The following FSTL5 variants were observed in gnomAD, a reference collection of about 807,000 sequenced individuals.
The protein encoded by FSTL5 is follistatin like 5.
In FSTL5, 62 loss-of-function variants were observed where a neutral mutation model predicts 89.1. That is an observed-to-expected ratio of 0.70 (90% CI 0.57 to 0.86). The LOEUF is 0.86. Ranked by LOEUF, FSTL5 falls within the 40% of genes least tolerant of loss-of-function variation. FSTL5 has a pLI of 0.00. For synonymous variants in FSTL5, 383 were observed against 346.2 expected (o/e 1.11, Z -1.18); for missense variants, 1,057 against 1,001.6 (o/e 1.06, Z -0.75).
intron 15 of FSTL5, among the ~76,000 whole-genome samples, chr4:161,451,093 T>A (rs1163701519): frequency 6.6e-6 from 1 of 152,100 alleles, no homozygotes; most frequent in East Asian, 1.9e-4. Flanking sequence ...TATCTGTATA[T>A]TTTTATTTAT....
chr4:161,841,130 G>A (rs572761860), intron 4 of FSTL5, among the ~76,000 whole-genome samples: 1 of 152,186 alleles, frequency 6.6e-6, no homozygotes, highest in East Asian at 1.9e-4. Context: ...GGACCTTACT[G>A]TTAGTAGGCT....
chr4:161,463,389 T>G (rs1404669951), intron 13 of FSTL5, among the ~76,000 whole-genome samples: 2 of 152,144 alleles, frequency 1.3e-5, no homozygotes, highest in Non-Finnish European at 2.9e-5. Flanking sequence ...TCAAGAAAAT[T>G]TATTTATAAG....
intron 7 of FSTL5, among the ~76,000 whole-genome samples, chr4:161,650,530 C>T (rs886594794): frequency 2.0e-5 from 3 of 152,180 alleles, no homozygotes; most frequent in Middle Eastern, 3.4e-3. Flanking sequence ...TTACATAATG[C>T]TTTCTTCAAA....
At chr4:161,522,616 C>T (rs1025863100) in intron 10 of FSTL5, among the ~76,000 whole-genome samples, 2 of 151,288 alleles carry the variant, frequency 1.3e-5, no homozygotes, top group African/African-American at 2.4e-5. Context: ...TTCCCACACT[C>T]TACAAGATAG....
chr4:161,410,988 T>TTAACAAAGAAAAAAAAAGAGAAGATC (rs777826812), intron 15 of FSTL5, among the ~76,000 whole-genome samples: 2 of 149,116 alleles, frequency 1.3e-5, no homozygotes, highest in African/African-American at 2.5e-5. Context: ...CCTTTAGCTA[T>TTAACAAAGAAAAAAAAAGAGAAGATC]CAATCAGAAA....
chr4:161,926,873 A>T (rs1578866701), intron 3 of FSTL5, among the ~76,000 whole-genome samples: 1 of 151,912 alleles, frequency 6.6e-6, no homozygotes, highest in East Asian at 1.9e-4. Flanking sequence ...TTAGATGATA[A>T]GTTGGTTAGA....
intron 15 of FSTL5, among the ~76,000 whole-genome samples, chr4:161,436,147 A>G (rs1732553314): frequency 6.6e-6 from 1 of 152,160 alleles, no homozygotes; most frequent in Non-Finnish European, 1.5e-5. Context: ...ATCGCTGTGT[A>G]GTCACCAATT....
chr4:162,124,905 G>A (rs577050806), intron 1 of FSTL5, among the ~76,000 whole-genome samples: 59 of 152,234 alleles, frequency 3.9e-4, no homozygotes, highest in African/African-American at 1.1e-3. Context: ...GGTTTTCACC[G>A]TGTTAGCCAG....
intron 4 of FSTL5, among the ~76,000 whole-genome samples, chr4:161,885,753 C>T (rs1259787006): frequency 6.6e-6 from 1 of 152,104 alleles, no homozygotes; most frequent in Non-Finnish European, 1.5e-5. Context: ...GCAGACCCTG[C>T]ATAGTGATTT....
At chr4:161,648,731 A>G (rs1367205250) in intron 7 of FSTL5, among the ~76,000 whole-genome samples, 1 of 152,124 alleles carries the variant, frequency 6.6e-6, no homozygotes, top group South Asian at 2.1e-4. Context: ...CTCCTGTGAC[A>G]CATACAATCT....
chr4:162,062,879 T>C (rs969175366), intron 2 of FSTL5, among the ~76,000 whole-genome samples: 97 of 151,820 alleles, frequency 6.4e-4, no homozygotes, highest in African/African-American at 2.3e-3. Context: ...ATCAAATTTC[T>C]ATATAGACAA....
At chr4:161,450,943 A>G (rs2126391393) in intron 15 of FSTL5, among the ~76,000 whole-genome samples, 1 of 151,970 alleles carries the variant, frequency 6.6e-6, no homozygotes, top group Admixed American at 6.6e-5. Context: ...ACGAGGTTTC[A>G]CCGTGTTAGC....
At chr4:161,409,796 C>G (rs1457080868) in intron 15 of FSTL5, among the ~76,000 whole-genome samples, 1 of 152,168 alleles carries the variant, frequency 6.6e-6, no homozygotes, top group African/African-American at 2.4e-5. Flanking sequence ...AGCCCATAGT[C>G]ACTATAAAGC....
At chr4:161,783,824 A>G (rs1741784738) in intron 4 of FSTL5, among the ~76,000 whole-genome samples, 1 of 147,036 alleles carries the variant, frequency 6.8e-6, no homozygotes, top group Non-Finnish European at 1.5e-5. Flanking sequence ...GTGGCATAGT[A>G]GCATGATCTT....
intron 15 of FSTL5, among the ~76,000 whole-genome samples, chr4:161,449,033 C>T (rs1733058065): frequency 6.6e-6 from 1 of 152,060 alleles, no homozygotes; most frequent in Non-Finnish European, 1.5e-5. Context: ...GCAGGTCAAG[C>T]CATGCCAAAT....
At chr4:162,138,328 GTAGT>G (rs1219636934) in intron 1 of FSTL5, among the ~76,000 whole-genome samples, 1 of 150,940 alleles carries the variant, frequency 6.6e-6, no homozygotes, top group African/African-American at 2.5e-5. Context: ...AGTTTGATTG[GTAGT>G]TATTGTAATT....
At chr4:161,589,565 G>A (rs554985307) in intron 7 of FSTL5, among the ~76,000 whole-genome samples, 1 of 151,936 alleles carries the variant, frequency 6.6e-6, no homozygotes, top group East Asian at 1.9e-4. Context: ...TGACCCTCCT[G>A]CTTCAGCCAC....
chr4:161,700,876 T>G (rs1366082878), intron 6 of FSTL5, among the ~76,000 whole-genome samples: 2 of 152,240 alleles, frequency 1.3e-5, no homozygotes, highest in Non-Finnish European at 2.9e-5. Context: ...AGATTTTTAC[T>G]CAAAATATGT....
chr4:161,965,512 G>C (rs1735297429), intron 3 of FSTL5, among the ~76,000 whole-genome samples: 1 of 152,068 alleles, frequency 6.6e-6, no homozygotes, highest in Non-Finnish European at 1.5e-5. Flanking sequence ...CTATGTGGTG[G>C]CAGAGAGTTT....
Sources: gnomAD v4.1 joint callset for allele counts (sites outside exome capture counted in the v4.1 genomes callset) on GRCh38, gnomAD v4.1.1 for gene constraint, MANE v1.5 for transcripts, NCBI Gene and HGNC (gene_info 2026-07-23, HGNC 2026-07-21) for gene names.